Variants in SEMA3D observed in about 807,000 individuals in gnomAD.
The protein encoded by SEMA3D is semaphorin 3D, also known as semaphorin-3D.
In SEMA3D, 84 loss-of-function variants were observed where a neutral mutation model predicts 100.1. The observed-to-expected ratio is 0.84, with a 90% CI of 0.70 to 1.01. The LOEUF (loss-of-function observed/expected upper bound fraction) is 1.01. Among genes scored for constraint, SEMA3D ranks in the 50% least tolerant of loss-of-function variants. The pLI is 0.00. For missense variants in SEMA3D, 875 were observed against 934.1 expected, an observed-to-expected ratio of 0.94 and a Z score of 0.82; for synonymous variants, 312 against 320.7, an observed-to-expected ratio of 0.97 and a Z score of 0.29.
At chr7:85,022,118 T>C (rs1183796529) in intron 13 of SEMA3D, among the ~76,000 whole-genome samples, 2 of 151,958 alleles carry the variant, frequency 1.3e-5, no homozygotes, top group South Asian at 2.1e-4. Context: ...ACTTGTTTAA[T>C]TGTAGTTCAA....
chr7:85,058,490 A>G (rs975765338), intron 8 of SEMA3D, among the ~76,000 whole-genome samples: 3 of 152,178 alleles, frequency 2.0e-5, no homozygotes. Flanking sequence ...GCTCACGCCT[A>G]TAATCCCAGC....
chr7:85,110,671 A>AT (rs1358348971), intron 3 of SEMA3D, among the ~76,000 whole-genome samples: 3 of 152,050 alleles, frequency 2.0e-5, no homozygotes, highest in African/African-American at 7.2e-5. Flanking sequence ...ACTGTCTTCA[A>AT]TAAGGTGTAG....
chr7:85,230,459 T>A, the SEMA3D span, among the ~76,000 whole-genome samples: 2 of 152,186 alleles, frequency 1.3e-5, no homozygotes, highest in Non-Finnish European at 2.9e-5. Flanking sequence ...GTGTTTCACA[T>A]AATTTTTATA....
chr7:85,210,570 T>C, the SEMA3D span, among the ~76,000 whole-genome samples: 1 of 152,008 alleles, frequency 6.6e-6, no homozygotes, highest in South Asian at 2.1e-4. Flanking sequence ...GTCTATACTT[T>C]GTCCTACATT....
At chr7:85,183,045 G>C (rs754456867) in intron 1 of SEMA3D, among the ~76,000 whole-genome samples, 1 of 152,124 alleles carries the variant, frequency 6.6e-6, no homozygotes, top group Non-Finnish European at 1.5e-5. Context: ...AAATAATGAA[G>C]TTATAACAAA....
chr7:85,074,432 CA>C (rs1791863891), intron 5 of SEMA3D, among the ~76,000 whole-genome samples: 1 of 152,018 alleles, frequency 6.6e-6, no homozygotes, highest in South Asian at 2.1e-4. Context: ...AAAAGGCAGA[CA>C]ATGACTTAAT....
chr7:85,219,340 C>T, the SEMA3D span, among the ~76,000 whole-genome samples: 41 of 152,072 alleles, frequency 2.7e-4, no homozygotes, highest in African/African-American at 9.4e-4. Flanking sequence ...ACTGCCAGTG[C>T]CCTTAATGTA....
At chr7:85,011,769 A>AG (rs1789960472) in intron 17 of SEMA3D, among the ~76,000 whole-genome samples, 2 of 151,826 alleles carry the variant, frequency 1.3e-5, no homozygotes, top group African/African-American at 4.8e-5. Flanking sequence ...ATCTGGACCA[A>AG]GGCTTATTTT....
At chr7:85,068,164 A>T in intron 7 of SEMA3D, 27 bp downstream of exon 7, 3 of 1,306,482 alleles carry the variant, frequency 2.3e-6, no homozygotes, top group Non-Finnish European at 3.3e-6. Context: ...CCATTTAAGG[A>T]TAAGAACTGC....
At chr7:85,171,562 T>C (rs1354271077) in intron 1 of SEMA3D, among the ~76,000 whole-genome samples, 1 of 151,968 alleles carries the variant, frequency 6.6e-6, no homozygotes, top group Non-Finnish European at 1.5e-5. Flanking sequence ...AGATCAACCT[T>C]TTTTTAGTGA....
the SEMA3D span, among the ~76,000 whole-genome samples, chr7:85,249,493 AG>A: frequency 6.6e-6 from 1 of 152,210 alleles, no homozygotes; most frequent in Non-Finnish European, 1.5e-5. Flanking sequence ...AATTACACCC[AG>A]TCTACCATAT....
At chr7:85,093,839 T>C (rs1479261588) in intron 4 of SEMA3D, among the ~76,000 whole-genome samples, 2 of 151,976 alleles carry the variant, frequency 1.3e-5, no homozygotes, top group East Asian at 3.9e-4. Context: ...GATGAAGGCA[T>C]ACTGACACAA....
chr7:85,233,642 G>A, the SEMA3D span, among the ~76,000 whole-genome samples: 1 of 152,190 alleles, frequency 6.6e-6, no homozygotes, highest in African/African-American at 2.4e-5. Flanking sequence ...TAATAGTGGT[G>A]TTGAAAGTGA....
chr7:85,208,103 C>T, the SEMA3D span, among the ~76,000 whole-genome samples: 1 of 151,582 alleles, frequency 6.6e-6, no homozygotes, highest in East Asian at 1.9e-4. Context: ...GAAAGTTCAG[C>T]AGCCATTAAT....
upstream of SEMA3D, among the ~76,000 whole-genome samples, chr7:85,190,555 A>G (rs1330578807): frequency 6.6e-6 from 1 of 151,982 alleles, no homozygotes; most frequent in African/African-American, 2.4e-5. Context: ...ATTTTTTTCC[A>G]TCTATTTCAT....
At chr7:85,134,084 G>C (rs1233440650) in intron 2 of SEMA3D, among the ~76,000 whole-genome samples, 2 of 151,990 alleles carry the variant, frequency 1.3e-5, no homozygotes, top group African/African-American at 4.8e-5. Flanking sequence ...CCCTATTGCA[G>C]TATTAACAAT....
At chr7:85,156,665 T>C (rs1790606506) in intron 1 of SEMA3D, among the ~76,000 whole-genome samples, 1 of 152,088 alleles carries the variant, frequency 6.6e-6, no homozygotes, top group African/African-American at 2.4e-5. Context: ...ACCCAAGTCA[T>C]CATCAATAGG....
At chr7:85,071,243 A>C (rs1583893753) in intron 6 of SEMA3D, among the ~76,000 whole-genome samples, 1 of 152,302 alleles carries the variant, frequency 6.6e-6, no homozygotes, top group East Asian at 1.9e-4. Flanking sequence ...AGACAAGAGA[A>C]CATTACACCA....
chr7:85,220,682 C>A, the SEMA3D span, among the ~76,000 whole-genome samples: 1 of 152,006 alleles, frequency 6.6e-6, no homozygotes, highest in African/African-American at 2.4e-5. Flanking sequence ...TTTATCAACT[C>A]TGAAAAAGAC....
Sources: gnomAD v4.1 joint callset for allele counts (sites outside exome capture counted in the v4.1 genomes callset) on GRCh38, gnomAD v4.1.1 for gene constraint, MANE v1.5 for transcripts, NCBI Gene and HGNC (gene_info 2026-07-23, HGNC 2026-07-21) for gene names.